Variants in TNR observed in about 807,000 individuals in gnomAD.
TNR encodes tenascin R.
TNR carries 45 observed loss-of-function variants against 150.4 expected under a neutral mutation model. That is an observed-to-expected ratio of 0.30 (90% CI 0.24 to 0.38). TNR has a LOEUF of 0.38. Among genes scored for constraint, TNR ranks in the 10% least tolerant of loss-of-function variants. The pLI is 1.00. For synonymous variants in TNR, 687 were observed against 678.4 expected, an observed-to-expected ratio of 1.01 and a Z score of -0.20; for missense variants, 1,544 against 1,759.1, an observed-to-expected ratio of 0.88 and a Z score of 2.19.
At chr1:175,630,908 A>G (rs1664304545) in intron 1 of TNR, among the ~76,000 whole-genome samples, 1 of 152,238 alleles carries the variant, frequency 6.6e-6, no homozygotes, top group African/African-American at 2.4e-5. Flanking sequence ...TGCATGGTCT[A>G]TCCAGACTGG....
intron 2 of TNR, among the ~76,000 whole-genome samples, chr1:175,430,405 T>C (rs1249217618): frequency 2.0e-5 from 3 of 152,224 alleles, no homozygotes; most frequent in African/African-American, 7.2e-5. Flanking sequence ...ACAATCTAAA[T>C]GAGAACATTT....
chr1:175,353,709 A>C (rs1253672249), intron 18 of TNR, among the ~76,000 whole-genome samples: 1 of 152,194 alleles, frequency 6.6e-6, no homozygotes, highest in Non-Finnish European at 1.5e-5. Flanking sequence ...TTTAATGTTG[A>C]GGGTTTACTA....
At chr1:175,500,803 C>T (rs192148246) in intron 2 of TNR, among the ~76,000 whole-genome samples, 25 of 152,332 alleles carry the variant, frequency 1.6e-4, no homozygotes, top group South Asian at 1.2e-3. Flanking sequence ...AGCAGGAGGA[C>T]GCTTAGACCT....
intron 1 of TNR, among the ~76,000 whole-genome samples, chr1:175,624,090 G>A (rs950793386): frequency 1.3e-5 from 2 of 152,222 alleles, no homozygotes; most frequent in African/African-American, 2.4e-5. Flanking sequence ...GGCCTTCCCA[G>A]TGTATAGAAT....
chr1:175,517,059 A>AGAGAGAGAGAGAGAG (rs1571550404), intron 2 of TNR, among the ~76,000 whole-genome samples: 2 of 89,014 alleles, frequency 2.2e-5, no homozygotes, highest in South Asian at 7.6e-4. Flanking sequence ...GAGAGAGAGA[A>AGAGAGAGAGAGAGAG]AGAGAGAGAG....
At chr1:175,699,040 T>C (rs1449424980) in intron 1 of TNR, among the ~76,000 whole-genome samples, 2 of 152,026 alleles carry the variant, frequency 1.3e-5, no homozygotes, top group East Asian at 3.9e-4. Context: ...AATTAGGAGG[T>C]GCCACAGCAG....
chr1:175,651,454 C>A (rs1158096313), intron 1 of TNR, among the ~76,000 whole-genome samples: 1 of 151,284 alleles, frequency 6.6e-6, no homozygotes, highest in Non-Finnish European at 1.5e-5. Context: ...ACACAGCAGA[C>A]ATTTTTAAAA....
chr1:175,573,213 T>C (rs1456875611), intron 1 of TNR, among the ~76,000 whole-genome samples: 4 of 152,228 alleles, frequency 2.6e-5, no homozygotes, highest in African/African-American at 9.6e-5. Flanking sequence ...ACTCTCTGAC[T>C]TTGATTAAGG....
chr1:175,708,592 G>C (rs1218599368), intron 1 of TNR, among the ~76,000 whole-genome samples: 5 of 152,182 alleles, frequency 3.3e-5, no homozygotes, highest in Non-Finnish European at 7.4e-5. Flanking sequence ...TGCATGGAAG[G>C]ATCGTGGAAA....
intron 1 of TNR, among the ~76,000 whole-genome samples, chr1:175,560,825 C>T (rs1050002068): frequency 1.3e-5 from 2 of 152,116 alleles, no homozygotes; most frequent in South Asian, 2.1e-4. Context: ...TGGCATAAAA[C>T]TTGTCAGGTT....
intron 1 of TNR, among the ~76,000 whole-genome samples, chr1:175,626,985 G>A (rs961634073): frequency 7.2e-5 from 11 of 152,182 alleles, no homozygotes; most frequent in African/African-American, 2.4e-4. Flanking sequence ...AGCTGGAAGA[G>A]CAAGAAAAGA....
chr1:175,378,130 C>G (rs1218696982), intron 9 of TNR, among the ~76,000 whole-genome samples: 2 of 152,196 alleles, frequency 1.3e-5, no homozygotes, highest in Non-Finnish European at 2.9e-5. Flanking sequence ...TGACCTTGCC[C>G]TTCTCTGTAC....
intron 1 of TNR, among the ~76,000 whole-genome samples, chr1:175,552,123 T>C (rs570936689): frequency 6.6e-6 from 1 of 152,330 alleles, no homozygotes; most frequent in Admixed American, 6.5e-5. Context: ...TTTTTATGTG[T>C]GAAAAATCTT....
intron 1 of TNR, among the ~76,000 whole-genome samples, chr1:175,720,655 G>A (rs1667273424): frequency 6.6e-6 from 1 of 152,186 alleles, no homozygotes; most frequent in Non-Finnish European, 1.5e-5. Context: ...ATTCTGCAAT[G>A]GGAGCAGGAA....
chr1:175,471,842 T>C (rs1657307530), intron 2 of TNR, among the ~76,000 whole-genome samples: 2 of 152,240 alleles, frequency 1.3e-5, no homozygotes, highest in Non-Finnish European at 2.9e-5. Context: ...GTTTTGACTC[T>C]TTTGCAATAA....
chr1:175,557,169 C>G (rs1661193428), intron 1 of TNR, among the ~76,000 whole-genome samples: 1 of 152,190 alleles, frequency 6.6e-6, no homozygotes, highest in African/African-American at 2.4e-5. Flanking sequence ...CCACATGACA[C>G]TGGAAGCAGA....
At chr1:175,439,342 A>G (rs1655672450) in intron 2 of TNR, among the ~76,000 whole-genome samples, 2 of 152,220 alleles carry the variant, frequency 1.3e-5, no homozygotes, top group South Asian at 4.2e-4. Context: ...CTGAAACTGG[A>G]TCCCTTCCTT....
intron 2 of TNR, among the ~76,000 whole-genome samples, chr1:175,471,769 C>T (rs932183206): frequency 6.6e-6 from 1 of 151,946 alleles, no homozygotes; most frequent in Non-Finnish European, 1.5e-5. Context: ...TTTTTTTCTT[C>T]AATTATAAAT....
chr1:175,553,417 T>G (rs1661020270), intron 1 of TNR, among the ~76,000 whole-genome samples: 2 of 152,134 alleles, frequency 1.3e-5, no homozygotes, highest in Admixed American at 1.3e-4. Flanking sequence ...GAGAACATTT[T>G]CCTCCTAGAT....
Sources: allele counts gnomAD v4.1 joint callset (sites outside exome capture counted in the v4.1 genomes callset), GRCh38; gene constraint gnomAD v4.1.1; transcripts MANE v1.5; gene names NCBI Gene and HGNC (gene_info 2026-07-23, HGNC 2026-07-21).